Variants in OSBPL9 observed in about 807,000 individuals in gnomAD.
OSBPL9 encodes oxysterol binding protein like 9, also known as oxysterol-binding protein-related protein 9.
In OSBPL9, 40 loss-of-function variants were observed where a neutral mutation model predicts 106.6. That is an observed-to-expected ratio of 0.38 (90% CI 0.29 to 0.49). The LOEUF is 0.49. OSBPL9 is among the 20% of genes least tolerant of loss of function. The pLI, the probability that OSBPL9 is intolerant of heterozygous loss-of-function variation, is 0.97. For missense variants in OSBPL9, 609 were observed against 887.2 expected, an observed-to-expected ratio of 0.69 and a Z score of 3.98; for synonymous variants, 269 against 295.4, an observed-to-expected ratio of 0.91 and a Z score of 0.92.
At position 51,650,534 on chromosome 1, in the gene OSBPL9, T is replaced by C. The variant is rs149989385; in HGVS notation, c.112-1457T>C. On this transcript the variant is annotated intron_variant, in intron 1 of 23. Coordinates refer to ENST00000428468, the MANE Select transcript of OSBPL9 (RefSeq NM_024586.6). ...AACTCTGCTTGGTATTGAGAAATTT[T>C]TTTCCTAAAATATATGATTCCTGAT... is the stretch of plus-strand genomic sequence containing the variant. Among the ~76,000 whole-genome samples the C allele has an allele frequency of 2.4e-4, 37 of 152,290 alleles. No homozygotes were observed. In the East Asian group the frequency reaches 6.2e-3, roughly 25 times the overall value.
chr1:51,721,198 A>G (rs1359321431), intron 4 of OSBPL9, among the ~76,000 whole-genome samples: 1 of 151,370 alleles, frequency 6.6e-6, no homozygotes, highest in Admixed American at 6.6e-5. Flanking sequence ...GAGAAAGGCC[A>G]TGATACCTTG....
At chr1:51,615,328 G>A (rs1014945448), upstream of OSBPL9, among the ~76,000 whole-genome samples, 66 of 152,198 alleles carry the variant, frequency 4.3e-4, no homozygotes, top group Non-Finnish European at 6.0e-4. Context: ...TCTAACTACT[G>A]ATCCACTGGC....
chr1:51,659,233 A>C (rs1646995105), intron 2 of OSBPL9, among the ~76,000 whole-genome samples: 1 of 152,182 alleles, frequency 6.6e-6, no homozygotes, highest in African/African-American at 2.4e-5. Context: ...TATCACATAG[A>C]TAACATTCTT....
At chr1:51,744,848 G>A (rs1371416094) in intron 4 of OSBPL9, among the ~76,000 whole-genome samples, 1 of 152,204 alleles carries the variant, frequency 6.6e-6, no homozygotes, top group East Asian at 1.9e-4. Flanking sequence ...CAAAAAGTAG[G>A]ACATGCAAAT....
chr1:51,691,880 A>AG (rs1655040454), intron 3 of OSBPL9, among the ~76,000 whole-genome samples: 1 of 152,108 alleles, frequency 6.6e-6, no homozygotes, highest in South Asian at 2.1e-4. Context: ...GAAGGTTTTC[A>AG]GGGGCAATAA....
At chr1:51,730,344 G>T (rs1163180805) in intron 4 of OSBPL9, among the ~76,000 whole-genome samples, 3 of 152,192 alleles carry the variant, frequency 2.0e-5, no homozygotes, top group African/African-American at 7.2e-5. Flanking sequence ...AAGCAGAAAA[G>T]TTAAGCTTTC....
chr1:51,754,998 G>C (rs918559807), intron 8 of OSBPL9, among the ~76,000 whole-genome samples: 2 of 152,054 alleles, frequency 1.3e-5, no homozygotes, highest in Non-Finnish European at 2.9e-5. Flanking sequence ...GTAGAGACAG[G>C]GTCTTGCTTT....
At chr1:51,523,549 G>A in the OSBPL9 span, among the ~76,000 whole-genome samples, 1 of 151,898 alleles carries the variant, frequency 6.6e-6, no homozygotes, top group Non-Finnish European at 1.5e-5. Context: ...AATTATACAC[G>A]GGTCTTCTGA....
chr1:51,756,262 C>A (rs1571572354), intron 8 of OSBPL9, 58 bp from the exon 9 acceptor site: 7 of 1,421,574 alleles, frequency 4.9e-6, no homozygotes, highest in Non-Finnish European at 6.9e-6. Flanking sequence ...AGGAGAAATA[C>A]ACAAGGAGTT....
the OSBPL9 span, among the ~76,000 whole-genome samples, chr1:51,522,372 T>A: frequency 6.6e-6 from 1 of 152,212 alleles, no homozygotes; most frequent in African/African-American, 2.4e-5. Flanking sequence ...TGTAGTGGCT[T>A]CTTTCTTCAT....
At chr1:51,526,345 A>G in the OSBPL9 span, among the ~76,000 whole-genome samples, 1 of 152,198 alleles carries the variant, frequency 6.6e-6, no homozygotes, top group African/African-American at 2.4e-5. Flanking sequence ...GAGATGAGAG[A>G]GAAAGAAACT....
the OSBPL9 span, among the ~76,000 whole-genome samples, chr1:51,547,680 C>T: frequency 3.7e-4 from 57 of 152,056 alleles, 1 homozygote; most frequent in East Asian, 0.011. Flanking sequence ...CCCATCTCTA[C>T]TAAAAATACA....
chr1:51,773,667 A>T (rs1305359546), intron 14 of OSBPL9, among the ~76,000 whole-genome samples: 4 of 152,232 alleles, frequency 2.6e-5, no homozygotes, highest in Non-Finnish European at 5.9e-5. Context: ...TTGTTAGGGC[A>T]AAATCAATTC....
intron 4 of OSBPL9, among the ~76,000 whole-genome samples, chr1:51,732,863 C>G (rs1397378115): frequency 1.3e-5 from 2 of 152,200 alleles, no homozygotes; most frequent in Admixed American, 6.5e-5. Flanking sequence ...TATTCTGGTC[C>G]TGATTTATCT....
At chr1:51,589,813 C>T (rs559195971) in intron 1 of OSBPL9, among the ~76,000 whole-genome samples, 2 of 151,054 alleles carry the variant, frequency 1.3e-5, no homozygotes, top group East Asian at 2.0e-4. Context: ...GCAGGTGGAT[C>T]GCGAGGTCAG....
chr1:51,538,278 C>G, the OSBPL9 span, among the ~76,000 whole-genome samples: 18 of 152,116 alleles, frequency 1.2e-4, no homozygotes, highest in Non-Finnish European at 2.5e-4. Context: ...GGCAACAGAG[C>G]ACGACTCCAT....
chr1:51,700,442 GC>G (rs771912669), intron 3 of OSBPL9, among the ~76,000 whole-genome samples: 4 of 152,192 alleles, frequency 2.6e-5, no homozygotes, highest in Non-Finnish European at 4.4e-5. Context: ...AATCCAGGAT[GC>G]CACATTGCTT....
chr1:51,711,748 G>T (rs1414268518), intron 3 of OSBPL9, among the ~76,000 whole-genome samples: 1 of 150,118 alleles, frequency 6.7e-6, no homozygotes, highest in Non-Finnish European at 1.5e-5. Context: ...TCACGGCCGG[G>T]CAGAGGCGCT....
At chr1:51,600,851 G>A (rs1023284106) in intron 2 of OSBPL9, among the ~76,000 whole-genome samples, 1 of 152,140 alleles carries the variant, frequency 6.6e-6, no homozygotes, top group East Asian at 1.9e-4. Flanking sequence ...TAGTGTCAGG[G>A]TATAGTAAAC....
Sources: allele counts gnomAD v4.1 joint callset (sites outside exome capture counted in the v4.1 genomes callset), GRCh38; gene constraint gnomAD v4.1.1; transcripts MANE v1.5; gene names NCBI Gene and HGNC (gene_info 2026-07-23, HGNC 2026-07-21).